TCF12: variants seen among roughly 807,000 people sequenced by gnomAD.
The protein encoded by TCF12 is DNA-binding protein HTF4.
A neutral mutation model predicts 86.0 loss-of-function variants in TCF12; 45 were observed. The ratio of observed to expected loss-of-function variants is 0.52; its 90% CI spans 0.41 to 0.67. TCF12 has a LOEUF of 0.67. Ranked by LOEUF, TCF12 falls within the 30% of genes least tolerant of loss-of-function variation. The pLI is 0.00. For synonymous variants in TCF12, 330 were observed against 299.6 expected, an observed-to-expected ratio of 1.10 and a Z score of -1.05; for missense variants, 881 against 859.9, an observed-to-expected ratio of 1.02 and a Z score of -0.31.
intron 8 of TCF12, among the ~76,000 whole-genome samples, chr15:57,208,647 A>C (rs1158347424): frequency 6.6e-6 from 1 of 151,998 alleles, no homozygotes; most frequent in Non-Finnish European, 1.5e-5. Context: ...GGCCTCCCAA[A>C]GTCCTGGGAT....
chr15:57,176,713 C>T (rs1049270259), intron 6 of TCF12, among the ~76,000 whole-genome samples: 1 of 152,020 alleles, frequency 6.6e-6, no homozygotes, highest in Non-Finnish European at 1.5e-5. Context: ...AAGTACTAGA[C>T]CAGGTTTCAA....
chr15:57,045,920 C>T (rs1222395741), intron 3 of TCF12, among the ~76,000 whole-genome samples: 1 of 152,168 alleles, frequency 6.6e-6, no homozygotes, highest in Non-Finnish European at 1.5e-5. Context: ...GAAACTGATA[C>T]TTTAAGAGGC....
At chr15:57,070,524 T>C (rs1483343506) in intron 4 of TCF12, among the ~76,000 whole-genome samples, 1 of 152,192 alleles carries the variant, frequency 6.6e-6, no homozygotes, top group African/African-American at 2.4e-5. Context: ...TTTCAGATTC[T>C]ATGGGAAAGT....
chr15:57,054,090 A>G (rs1416544870), intron 3 of TCF12, among the ~76,000 whole-genome samples: 1 of 152,210 alleles, frequency 6.6e-6, no homozygotes, highest in African/African-American at 2.4e-5. Flanking sequence ...AGATTTTTAA[A>G]TATAAGGAAA....
chr15:57,208,782 G>A (rs568191191), intron 8 of TCF12, among the ~76,000 whole-genome samples: 147 of 151,446 alleles, frequency 9.7e-4, no homozygotes, highest in South Asian at 2.3e-3. Context: ...ATCATAGCTC[G>A]CTGCGGCCTC....
chr15:56,930,039 T>G (rs1412098970), intron 3 of TCF12, among the ~76,000 whole-genome samples: 5 of 152,220 alleles, frequency 3.3e-5, no homozygotes, highest in African/African-American at 1.2e-4. Context: ...GATTGACTCA[T>G]AATTACTCTT....
At chr15:57,128,585 A>G (rs2703621) in intron 5 of TCF12, among the ~76,000 whole-genome samples, 1,754 of 152,254 alleles carry the variant, frequency 0.012, 39 homozygotes, top group African/African-American at 0.04. Context: ...AAAGTATACA[A>G]TTCAAGGGTT....
At chr15:57,133,626 T>C (rs559834400) in intron 5 of TCF12, among the ~76,000 whole-genome samples, 1 of 128,882 alleles carries the variant, frequency 7.8e-6, no homozygotes, top group Non-Finnish European at 1.6e-5. Context: ...AGTAATGTGT[T>C]TTTTTTTTTT....
intron 16 of TCF12, among the ~76,000 whole-genome samples, chr15:57,256,966 T>C (rs1185987868): frequency 6.6e-6 from 1 of 152,232 alleles, no homozygotes; most frequent in Admixed American, 6.5e-5. Flanking sequence ...GATATGCTTT[T>C]TCTATAAAGG....
At chr15:57,056,635 T>A (rs2068052973) in intron 3 of TCF12, among the ~76,000 whole-genome samples, 1 of 151,984 alleles carries the variant, frequency 6.6e-6, no homozygotes, top group South Asian at 2.1e-4. Context: ...AATTTTAATT[T>A]TTTTGTAGAC....
chr15:57,192,062 T>C lies in TCF12; in HGVS notation c.391-96T>C, dbSNP rs578246932. ...AATGGGTGCGTTCTAAGTTAAGACA[T>C]TGCTGAAGTTGTAAATAATTCAGAA... is the stretch of plus-strand genomic sequence containing the variant. On this transcript the variant is annotated intron_variant, in intron 6 of 20. Coordinates refer to ENST00000333725, the MANE Select transcript of TCF12 (RefSeq NM_207037.2). 31 of 1,404,314 alleles carry C rather than the reference T, an allele frequency of 2.2e-5. No individual in the cohort carries two copies. In the South Asian group the frequency reaches 4.1e-4, roughly 18 times the overall value. 87.0% of individuals were successfully genotyped at this position (1,404,314 alleles called of 1,614,324 possible).
At chr15:57,240,582 G>A (rs2059571704) in intron 12 of TCF12, among the ~76,000 whole-genome samples, 1 of 152,070 alleles carries the variant, frequency 6.6e-6, no homozygotes, top group Non-Finnish European at 1.5e-5. Context: ...GTTTTCAGTG[G>A]TAAAGAGGTA....
chr15:56,945,955 A>G (rs1203787216), intron 3 of TCF12, among the ~76,000 whole-genome samples: 4 of 152,140 alleles, frequency 2.6e-5, no homozygotes, highest in Admixed American at 6.5e-5. Flanking sequence ...AGTATGATAT[A>G]GCTACAGCAT....
chr15:57,019,389 T>G (rs2065339130), intron 3 of TCF12, among the ~76,000 whole-genome samples: 2 of 151,998 alleles, frequency 1.3e-5, no homozygotes, highest in Admixed American at 1.3e-4. Flanking sequence ...ACTGAGACAG[T>G]GTTATTGCAG....
At chr15:57,271,337 A>C (rs2152091560) in intron 18 of TCF12, among the ~76,000 whole-genome samples, 1 of 152,276 alleles carries the variant, frequency 6.6e-6, no homozygotes, top group East Asian at 1.9e-4. Context: ...TCCCAGGTCG[A>C]TCTCAGACTG....
chr15:57,031,800 T>G (rs536925052), intron 3 of TCF12, among the ~76,000 whole-genome samples: 68 of 152,170 alleles, frequency 4.5e-4, no homozygotes, highest in African/African-American at 1.6e-3. Context: ...TTAGAGAGAG[T>G]TGAGGTCATC....
chr15:57,115,464 G>C (rs1243833890), intron 5 of TCF12, among the ~76,000 whole-genome samples: 1 of 152,102 alleles, frequency 6.6e-6, no homozygotes, highest in Non-Finnish European at 1.5e-5. Flanking sequence ...CCTGCATACT[G>C]TCATGGAAGC....
chr15:57,175,538 C>T (rs868116093), intron 6 of TCF12, among the ~76,000 whole-genome samples: 1 of 152,190 alleles, frequency 6.6e-6, no homozygotes, highest in African/African-American at 2.4e-5. Context: ...CACTGGCCTG[C>T]TGTTTCGCCA....
At chr15:57,116,812 T>A (rs1300356134) in intron 5 of TCF12, among the ~76,000 whole-genome samples, 1 of 152,216 alleles carries the variant, frequency 6.6e-6, no homozygotes, top group Non-Finnish European at 1.5e-5. Context: ...TTTCTCTATA[T>A]AATTTAATAG....
Sources: allele counts gnomAD v4.1 joint callset (sites outside exome capture counted in the v4.1 genomes callset), GRCh38; gene constraint gnomAD v4.1.1; transcripts MANE v1.5; gene names NCBI Gene and HGNC (gene_info 2026-07-23, HGNC 2026-07-21).